The following DPF3 variants were observed in gnomAD, a reference collection of about 807,000 sequenced individuals.
The protein encoded by DPF3 is zinc finger protein DPF3.
DPF3 carries 18 observed loss-of-function variants against 56.8 expected under a neutral mutation model. The observed-to-expected ratio is 0.32, with a 90% CI of 0.22 to 0.47. DPF3 has a LOEUF of 0.47. Among genes scored for constraint, DPF3 ranks in the 20% least tolerant of loss-of-function variants. The pLI, the probability that DPF3 is intolerant of heterozygous loss-of-function variation, is 1.00. For synonymous variants in DPF3, 188 were observed against 180.2 expected, an observed-to-expected ratio of 1.04 and a Z score of -0.35; for missense variants, 403 against 488.8, an observed-to-expected ratio of 0.82 and a Z score of 1.65.
chr14:72,836,030 G>T, intron 1 of DPF3: 2 of 985,214 alleles, frequency 2.0e-6, no homozygotes, highest in Non-Finnish European at 2.4e-6. Flanking sequence ...CACCACACGG[G>T]TGCCTCGGGG....
intron 3 of DPF3, among the ~76,000 whole-genome samples, chr14:72,750,719 T>C (rs1228998573): frequency 1.5e-5 from 2 of 137,212 alleles, no homozygotes; most frequent in Non-Finnish European, 3.0e-5. Context: ...GGTTGTGCTG[T>C]GTAAAAAGAG....
chr14:72,798,602 A>G (rs1892733864), intron 1 of DPF3, among the ~76,000 whole-genome samples: 1 of 152,212 alleles, frequency 6.6e-6, no homozygotes, highest in African/African-American at 2.4e-5. Context: ...GTTCCCATGG[A>G]GAACTCGGGG....
intron 6 of DPF3, among the ~76,000 whole-genome samples, chr14:72,696,990 A>C (rs369692325): frequency 2.0e-5 from 3 of 152,348 alleles, no homozygotes; most frequent in South Asian, 4.1e-4. Context: ...CCCTATGTCC[A>C]CATGCCCTTC....
intron 8 of DPF3, among the ~76,000 whole-genome samples, chr14:72,666,119 A>G (rs1232254054): frequency 6.6e-6 from 1 of 152,178 alleles, no homozygotes; most frequent in African/African-American, 2.4e-5. Context: ...ACACCACAAT[A>G]TTATATAATT....
intron 7 of DPF3, among the ~76,000 whole-genome samples, chr14:72,678,830 G>A (rs1887028900): frequency 6.6e-6 from 1 of 152,138 alleles, no homozygotes; most frequent in South Asian, 2.1e-4. Flanking sequence ...GTAAGTTGCT[G>A]AGAAAATAAA....
intron 8 of DPF3, among the ~76,000 whole-genome samples, chr14:72,673,294 G>T (rs1886770293): frequency 6.6e-6 from 1 of 152,156 alleles, no homozygotes; most frequent in African/African-American, 2.4e-5. Flanking sequence ...TGGATAGAAA[G>T]GTAGAAAGGA....
intron 8 of DPF3, among the ~76,000 whole-genome samples, chr14:72,641,268 C>T (rs1202105604): frequency 6.6e-6 from 1 of 152,198 alleles, no homozygotes; most frequent in Non-Finnish European, 1.5e-5. Context: ...CAACATGCTT[C>T]TTCTGCCGCA....
rs528255726 is a variant in DPF3, at chr14:72,800,641, G to A, written c.33-28748C>T. 5.9e-5 allele frequency among the ~76,000 whole-genome samples: 9 copies of A among 151,706 alleles called. No individual in the cohort carries two copies. In the Middle Eastern group the frequency reaches 0.01, roughly 173 times the overall value. On this transcript the variant is annotated intron_variant, in intron 1 of 10. Transcript: ENST00000556509. ...GCACAGATGGATGCATGGATGCACAGATGGATGCATGGATGGATGCATGGA... is the reference window on the plus strand; with the variant it reads ...GCACAGATGGATGCATGGATGCACAAATGGATGCATGGATGGATGCATGGA...
At chr14:72,841,463 G>GTGAGA (rs778105182) in intron 1 of DPF3, among the ~76,000 whole-genome samples, 15 of 152,106 alleles carry the variant, frequency 9.9e-5, no homozygotes, top group Admixed American at 2.0e-4. Context: ...TCTCACTGGT[G>GTGAGA]TTTGATTTTC....
At chr14:72,816,496 C>G (rs1883291949) in intron 1 of DPF3, among the ~76,000 whole-genome samples, 1 of 152,080 alleles carries the variant, frequency 6.6e-6, no homozygotes, top group Admixed American at 6.6e-5. Flanking sequence ...TACCCCCAAC[C>G]CACCCCTTGA....
intron 1 of DPF3, among the ~76,000 whole-genome samples, chr14:72,782,684 T>C (rs1599436808): frequency 6.6e-6 from 1 of 152,120 alleles, no homozygotes; most frequent in African/African-American, 2.4e-5. Context: ...AATACAAAAA[T>C]TAGCCAGGTG....
chr14:72,868,063 T>C (rs1051228211), intron 1 of DPF3, among the ~76,000 whole-genome samples: 3 of 152,236 alleles, frequency 2.0e-5, no homozygotes, highest in East Asian at 1.9e-4. Flanking sequence ...AGCAATAAAC[T>C]CACCTGATTC....
At chr14:72,649,660 TGG>T (rs372597512) in intron 8 of DPF3, among the ~76,000 whole-genome samples, 1 of 61,084 alleles carries the variant, frequency 1.6e-5, no homozygotes, top group Admixed American at 1.7e-4. Flanking sequence ...CATCCCTGGG[TGG>T]GGGGGGGGAT....
intron 2 of DPF3, among the ~76,000 whole-genome samples, chr14:72,766,236 G>A (rs1195433526): frequency 6.6e-6 from 1 of 152,174 alleles, no homozygotes; most frequent in African/African-American, 2.4e-5. Context: ...CTTCTGGAAA[G>A]ATGAAATAGA....
intron 2 of DPF3, among the ~76,000 whole-genome samples, chr14:72,761,023 A>G (rs1363120900): frequency 6.9e-6 from 1 of 145,712 alleles, no homozygotes; most frequent in Non-Finnish European, 1.5e-5. Context: ...CAATTTATTG[A>G]GGATATAACA....
intron 1 of DPF3, among the ~76,000 whole-genome samples, chr14:72,840,256 C>A (rs1305537308): frequency 6.6e-6 from 1 of 152,192 alleles, no homozygotes; most frequent in Non-Finnish European, 1.5e-5. Context: ...GTAACTGACC[C>A]ATGTGGGGCT....
chr14:72,830,971 G>T (rs1339005350), intron 1 of DPF3, among the ~76,000 whole-genome samples: 1 of 152,210 alleles, frequency 6.6e-6, no homozygotes, highest in African/African-American at 2.4e-5. Context: ...TGGGAGCACT[G>T]TGGAAGCCGT....
chr14:72,881,792 G>C (rs928233556), intron 1 of DPF3, among the ~76,000 whole-genome samples: 1 of 152,130 alleles, frequency 6.6e-6, no homozygotes, highest in African/African-American at 2.4e-5. Context: ...GCTTCAGGAG[G>C]GGGTGGGCCA....
Position 72,754,319 on chromosome 14 carries a change from G to A in DPF3, c.194-948C>T, listed in dbSNP as rs542731379. On this transcript the variant is annotated intron_variant, in intron 2 of 10. Transcript: ENST00000556509. ...TAGGTGATTTGTAGTCCTGAAGAGA[G>A]TGTCTGATACCCCCCATAATAAACC... is the stretch of plus-strand genomic sequence containing the variant. Among the ~76,000 whole-genome samples the A allele has an allele frequency of 5.9e-5, 9 of 152,290 alleles. No homozygotes were observed. The East Asian group carries it at 1.4e-3, about 23-fold the overall frequency.
Sources: gnomAD v4.1 joint callset for allele counts (sites outside exome capture counted in the v4.1 genomes callset) on GRCh38, gnomAD v4.1.1 for gene constraint, MANE v1.5 for transcripts, NCBI Gene and HGNC (gene_info 2026-07-23, HGNC 2026-07-21) for gene names.